The following PDE1C variants were observed in gnomAD, a reference collection of about 807,000 sequenced individuals.
The protein encoded by PDE1C is phosphodiesterase 1C.
Under a neutral mutation model 93.1 loss-of-function variants are expected in PDE1C, and 62 were observed. The ratio of observed to expected loss-of-function variants is 0.67; its 90% CI spans 0.54 to 0.82. The LOEUF (loss-of-function observed/expected upper bound fraction) is 0.82, where lower values mean the gene tolerates loss of function less well. Among genes scored for constraint, PDE1C ranks in the 40% least tolerant of loss-of-function variants. PDE1C has a pLI of 0.00. For synonymous variants in PDE1C, 325 were observed against 310.1 expected, an observed-to-expected ratio of 1.05 and a Z score of -0.50; for missense variants, 742 against 884.6, an observed-to-expected ratio of 0.84 and a Z score of 2.04.
At chr7:32,167,182 C>T (rs1562540567) in intron 3 of PDE1C, among the ~76,000 whole-genome samples, 1 of 152,132 alleles carries the variant, frequency 6.6e-6, no homozygotes, top group Non-Finnish European at 1.5e-5. Flanking sequence ...AGCTTTAGAG[C>T]AGACTGTCCC....
intron 1 of PDE1C, among the ~76,000 whole-genome samples, chr7:32,360,091 CAG>C (rs760620696): frequency 3.9e-5 from 6 of 152,104 alleles, no homozygotes; most frequent in Non-Finnish European, 8.8e-5. Flanking sequence ...CAGCAAAGGC[CAG>C]ACTCTCCCTT....
At chr7:32,088,508 G>A (rs894227354) in intron 3 of PDE1C, among the ~76,000 whole-genome samples, 2 of 152,262 alleles carry the variant, frequency 1.3e-5, no homozygotes, top group African/African-American at 2.4e-5. Flanking sequence ...CAAGGCGGCC[G>A]GAGCCCTGCA....
chr7:32,342,927 A>G (rs1490428502), intron 1 of PDE1C, among the ~76,000 whole-genome samples: 1 of 152,226 alleles, frequency 6.6e-6, no homozygotes, highest in Non-Finnish European at 1.5e-5. Flanking sequence ...TTAGGGTTCA[A>G]GTAATTTTAT....
intron 1 of PDE1C, among the ~76,000 whole-genome samples, chr7:32,390,371 G>A (rs189829949): frequency 4.6e-5 from 7 of 152,200 alleles, no homozygotes; most frequent in African/African-American, 1.4e-4. Flanking sequence ...AATGTCTGGA[G>A]ACATTTACGG....
At chr7:32,339,333 G>A (rs894200117) in intron 1 of PDE1C, among the ~76,000 whole-genome samples, 4 of 152,120 alleles carry the variant, frequency 2.6e-5, no homozygotes, top group African/African-American at 4.8e-5. Context: ...AAGTAGAATC[G>A]TGGTTACCAG....
intron 3 of PDE1C, among the ~76,000 whole-genome samples, chr7:32,125,375 C>A (rs751845364): frequency 6.6e-6 from 1 of 152,020 alleles, no homozygotes; most frequent in Non-Finnish European, 1.5e-5. Flanking sequence ...TGGGTATATA[C>A]CCAAAAGAAT....
chr7:31,651,337 G>A, the PDE1C span: 2 of 1,562,524 alleles, frequency 1.3e-6, no homozygotes, highest in Non-Finnish European at 1.7e-6. Context: ...AGATAATCAG[G>A]GCAGAACAGA....
At chr7:31,943,998 T>C (rs9655330) in intron 2 of PDE1C, among the ~76,000 whole-genome samples, 150,932 of 152,288 alleles carry the variant, frequency 0.99, 74,801 homozygotes, top group East Asian at 1. Flanking sequence ...AATCCCAGTC[T>C]AACTGTAGGC....
chr7:32,327,882 T>C (rs1783436343), intron 1 of PDE1C, among the ~76,000 whole-genome samples: 1 of 152,030 alleles, frequency 6.6e-6, no homozygotes, highest in Admixed American at 6.6e-5. Context: ...CACATAGACA[T>C]AGTTCCGTTT....
At chr7:31,806,393 C>T (rs1334721809) in intron 16 of PDE1C, among the ~76,000 whole-genome samples, 1 of 151,878 alleles carries the variant, frequency 6.6e-6, no homozygotes, top group African/African-American at 2.4e-5. Context: ...TCTTCCGATG[C>T]CAATGGAAAA....
chr7:31,861,221 T>G lies in PDE1C; in HGVS notation c.750+3721A>C, dbSNP rs192826329. Among the ~76,000 whole-genome samples the G allele has an allele frequency of 1.5e-3, 221 of 152,306 alleles. 1 individual carries two copies. The highest frequency in any genetic ancestry group is 2.5e-3 in the Non-Finnish European group (173 of 68,016). ...ATGGCTTCCATGGCCCCAAACTCCC[T>G]TGGTTTATACCCCATGTCACTGGCC... On this transcript the variant is annotated intron_variant, in intron 7 of 17. Coordinates refer to ENST00000396191, the MANE Select transcript of PDE1C (RefSeq NM_001191057.4).
At chr7:32,058,074 G>C (rs1460638292) in intron 1 of PDE1C, among the ~76,000 whole-genome samples, 1 of 152,198 alleles carries the variant, frequency 6.6e-6, no homozygotes, top group Non-Finnish European at 1.5e-5. Flanking sequence ...TAAGTTGACA[G>C]AAAGATACCT....
the PDE1C span, among the ~76,000 whole-genome samples, chr7:31,712,044 T>C: frequency 6.6e-6 from 1 of 152,202 alleles, no homozygotes; most frequent in Non-Finnish European, 1.5e-5. Flanking sequence ...GAGAAACTCT[T>C]CCTTGCCTTC....
intron 1 of PDE1C, among the ~76,000 whole-genome samples, chr7:32,379,416 A>G (rs1044168584): frequency 6.6e-6 from 1 of 152,224 alleles, no homozygotes; most frequent in African/African-American, 2.4e-5. Flanking sequence ...GCCTTGGGAT[A>G]AAAAAGCAAG....
At chr7:31,620,617 C>T in the PDE1C span, among the ~76,000 whole-genome samples, 4 of 150,228 alleles carry the variant, frequency 2.7e-5, no homozygotes, top group South Asian at 8.4e-4. Context: ...TGTACATCAC[C>T]ATCATCAAAG....
chr7:31,972,177 C>A (rs1017010239), intron 2 of PDE1C, among the ~76,000 whole-genome samples: 4 of 152,286 alleles, frequency 2.6e-5, no homozygotes, highest in African/African-American at 9.6e-5. Context: ...TGGTAGTATA[C>A]AACCACGTAT....
upstream of PDE1C, among the ~76,000 whole-genome samples, chr7:32,073,814 A>G (rs1366975168): frequency 1.3e-5 from 2 of 152,232 alleles, no homozygotes; most frequent in Non-Finnish European, 2.9e-5. Context: ...TTCTGCTCAG[A>G]GGCAAGCAAA....
chr7:32,417,610 G>A (rs1033247480), intron 1 of PDE1C, among the ~76,000 whole-genome samples: 22 of 144,360 alleles, frequency 1.5e-4, no homozygotes, highest in Admixed American at 7.7e-4. Flanking sequence ...GTAACTATAA[G>A]CAATATTAAC....
intron 2 of PDE1C, among the ~76,000 whole-genome samples, chr7:32,195,237 T>C (rs1804531048): frequency 6.6e-6 from 1 of 152,262 alleles, no homozygotes; most frequent in East Asian, 1.9e-4. Context: ...TCCTTTCTGA[T>C]GTCCCAAGGT....
Sources: gnomAD v4.1 joint callset for allele counts (sites outside exome capture counted in the v4.1 genomes callset) on GRCh38, gnomAD v4.1.1 for gene constraint, MANE v1.5 for transcripts, NCBI Gene and HGNC (gene_info 2026-07-23, HGNC 2026-07-21) for gene names.